The following KCNN2 variants were observed in gnomAD, a reference collection of about 807,000 sequenced individuals.
KCNN2 encodes potassium calcium-activated channel subfamily N member 2.
A neutral mutation model predicts 55.5 loss-of-function variants in KCNN2; 24 were observed. That is an observed-to-expected ratio of 0.43 (90% CI 0.31 to 0.61). The LOEUF (loss-of-function observed/expected upper bound fraction) is 0.61, where lower values mean the gene tolerates loss of function less well. KCNN2 is among the 20% of genes least tolerant of loss of function. The pLI is 0.08. For missense variants in KCNN2, 754 were observed against 853.6 expected (o/e 0.88, Z 1.45); for synonymous variants, 431 against 336.1 (o/e 1.28, Z -3.09).
chr5:114,403,691 A>G (rs1273969819), intron 2 of KCNN2, among the ~76,000 whole-genome samples: 1 of 152,176 alleles, frequency 6.6e-6, no homozygotes, highest in Non-Finnish European at 1.5e-5. Context: ...TTATCTATAT[A>G]TCTATTTATT....
intron 2 of KCNN2, among the ~76,000 whole-genome samples, chr5:114,234,577 A>G (rs989274598): frequency 1.3e-5 from 2 of 152,218 alleles, no homozygotes; most frequent in African/African-American, 4.8e-5. Context: ...CCTTCACCCA[A>G]TAAGACACTG....
At chr5:114,106,322 T>G (rs1414882671) in intron 1 of KCNN2, among the ~76,000 whole-genome samples, 1 of 151,946 alleles carries the variant, frequency 6.6e-6, no homozygotes, top group African/African-American at 2.4e-5. Context: ...CTTGTATAAT[T>G]TTTGCTGTAT....
At position 114,237,896 on chromosome 5, in the gene KCNN2, C is replaced by T. The variant is rs555992693; in HGVS notation, c.-185+16331C>T. Among the ~76,000 whole-genome samples, 70 of 152,226 alleles carry T rather than the reference C, an allele frequency of 4.6e-4. No individual in the cohort carries two copies. The South Asian group carries it at 8.3e-3, about 18-fold the overall frequency. On this transcript the variant is annotated intron_variant, in intron 2 of 10. Transcript: ENST00000512097. ...ATCTTGTGATGCTCAGCTCTTGCCC[C>T]GTGGCCTTTTAGGTTGCAGCAGCAT...
intron 3 of KCNN2, among the ~76,000 whole-genome samples, chr5:114,459,538 A>G (rs1277399505): frequency 3.9e-5 from 6 of 152,168 alleles, no homozygotes; most frequent in Admixed American, 2.6e-4. Context: ...GAAAAGTCTA[A>G]TTTTGTTTCT....
Position 114,468,490 on chromosome 5 carries a change from C to A in KCNN2, c.1780-4564C>A, listed in dbSNP as rs149164448. Among the ~76,000 whole-genome samples, 281 of 151,918 alleles carry A rather than the reference C, an allele frequency of 1.8e-3. 3 individuals carry two copies. Among genetic ancestry groups the A allele is most frequent in the African/African-American group, 6.7e-3 (277 of 41,466 alleles). On this transcript the variant is annotated intron_variant, in intron 4 of 7. Transcript: ENST00000673685. ...AAGCTGTTTTATTTTTACATAAAAG[C>A]GTGATTTTTTTTCAAGTTAACTATT... is the stretch of plus-strand genomic sequence containing the variant.
intron 3 of KCNN2, among the ~76,000 whole-genome samples, chr5:114,458,361 C>G (rs922216965): frequency 6.6e-6 from 1 of 152,128 alleles, no homozygotes; most frequent in Non-Finnish European, 1.5e-5. Context: ...TATAAAAATA[C>G]CTTCTAAGTT....
At chr5:114,231,532 C>T (rs1754358539) in intron 2 of KCNN2, among the ~76,000 whole-genome samples, 1 of 150,946 alleles carries the variant, frequency 6.6e-6, no homozygotes, top group Non-Finnish European at 1.5e-5. Context: ...TTTAAAGTTC[C>T]TGGGAAAAAT....
chr5:114,138,355 C>G (rs758295838), intron 1 of KCNN2, among the ~76,000 whole-genome samples: 1 of 152,096 alleles, frequency 6.6e-6, no homozygotes, highest in Non-Finnish European at 1.5e-5. Flanking sequence ...TATCGTATCT[C>G]CAGCATTTAG....
intron 6 of KCNN2, among the ~76,000 whole-genome samples, chr5:114,488,571 C>T (rs1747688596): frequency 6.6e-6 from 1 of 152,166 alleles, no homozygotes; most frequent in East Asian, 1.9e-4. Flanking sequence ...GAGCCCTTGC[C>T]TAGAAATCTT....
Position 114,159,152 on chromosome 5 carries a change from C to T in KCNN2, c.-270-62328C>T, listed in dbSNP as rs562942318. On this transcript the variant is annotated intron_variant, in intron 1 of 10. Coordinates refer to the KCNN2 transcript ENST00000512097. ...TTGGCTGTGGTTTTGTCATAGATAG[C>T]GCTTATTATTTTGAGATACGTCCCA... is the stretch of plus-strand genomic sequence containing the variant. Among the ~76,000 whole-genome samples, 42 of 152,168 alleles carry T rather than the reference C, an allele frequency of 2.8e-4. No individual in the cohort carries two copies. In the South Asian group the frequency reaches 5.4e-3, roughly 20 times the overall value.
chr5:114,129,561 T>C (rs560883872), intron 1 of KCNN2, among the ~76,000 whole-genome samples: 2 of 152,344 alleles, frequency 1.3e-5, no homozygotes, highest in Non-Finnish European at 2.9e-5. Flanking sequence ...AACCATCCAT[T>C]CCATGTTCCC....
At chr5:114,420,870 C>A (rs1580814239) in intron 3 of KCNN2, among the ~76,000 whole-genome samples, 1 of 152,274 alleles carries the variant, frequency 6.6e-6, no homozygotes, top group South Asian at 2.1e-4. Context: ...TTTGGCTGGG[C>A]CTGCTGTGGG....
At chr5:114,245,538 C>A (rs939259867) in intron 2 of KCNN2, among the ~76,000 whole-genome samples, 4 of 152,192 alleles carry the variant, frequency 2.6e-5, no homozygotes, top group Non-Finnish European at 5.9e-5. Context: ...ATTTCTCACA[C>A]AGCTCACTGC....
At position 114,440,835 on chromosome 5, in the gene KCNN2, AGG is replaced by A. The variant is rs1188177297; in HGVS notation, c.1638-22212_1638-22211del. On this transcript the variant is annotated intron_variant, in intron 3 of 7. Transcript: ENST00000673685. Reference sequence around the variant, plus strand: ...AGTATGAAGGGAGCATATAACAAACAGGGAATTATTAATAGAAATTTGAACAC... The same window carrying A: ...AGTATGAAGGGAGCATATAACAAACAGAATTATTAATAGAAATTTGAACAC... Among the ~76,000 whole-genome samples, 6 of 31,094 alleles carry A rather than the reference AGG, an allele frequency of 1.9e-4. No homozygotes were observed. In the South Asian group the frequency reaches 9.6e-3, roughly 50 times the overall value. 20.4% of individuals were successfully genotyped at this position (31,094 alleles called of 152,430 possible).
chr5:114,333,556 G>A (rs1756865937), intron 2 of KCNN2, among the ~76,000 whole-genome samples: 2 of 151,836 alleles, frequency 1.3e-5, no homozygotes, highest in South Asian at 4.1e-4. Flanking sequence ...AAAGTCACCA[G>A]CTAATGTAGT....
chr5:114,156,694 T>A (rs570528075), intron 1 of KCNN2, among the ~76,000 whole-genome samples: 2 of 152,228 alleles, frequency 1.3e-5, no homozygotes, highest in Non-Finnish European at 2.9e-5. Flanking sequence ...ACTATTGGTG[T>A]ATAGGAATGC....
At chr5:114,409,873 C>G (rs1214566668) in intron 3 of KCNN2, among the ~76,000 whole-genome samples, 1 of 152,038 alleles carries the variant, frequency 6.6e-6, no homozygotes, top group Non-Finnish European at 1.5e-5. Flanking sequence ...AAAATTCTCT[C>G]TCTCTCTCTC....
Position 114,210,616 on chromosome 5 carries a change from A to G in KCNN2, c.-270-10864A>G, listed in dbSNP as rs72797676. The stretch of plus-strand genomic sequence containing the variant: ...TATGTGAGTGAATTTTGCTATATAT[A>G]AAACCAAAGTGTGAAAATTAATCTA... On this transcript the variant is annotated intron_variant, in intron 1 of 10. Coordinates refer to the KCNN2 transcript ENST00000512097. Among the ~76,000 whole-genome samples, 1,138 of 152,310 alleles carry G rather than the reference A, an allele frequency of 7.5e-3. 10 individuals carry two copies. The highest frequency in any genetic ancestry group is 0.011 in the Non-Finnish European group (771 of 68,006).
At chr5:114,363,797 C>G in intron 1 of KCNN2, 109 bp from the exon 2 acceptor site, 1 of 748,822 alleles carries the variant, frequency 1.3e-6, no homozygotes, top group South Asian at 1.6e-5. Context: ...CCCTTATCTT[C>G]CTTCTGTGAG....
Sources: gnomAD v4.1 joint callset for allele counts (sites outside exome capture counted in the v4.1 genomes callset) on GRCh38, gnomAD v4.1.1 for gene constraint, MANE v1.5 for transcripts, NCBI Gene and HGNC (gene_info 2026-07-23, HGNC 2026-07-21) for gene names.